Variants in TCN2 observed in about 807,000 individuals in gnomAD.
TCN2 encodes transcobalamin-2.
In TCN2, 34 loss-of-function variants were observed where a neutral mutation model predicts 48.6. That is an observed-to-expected ratio of 0.70 (90% CI 0.53 to 0.93). The LOEUF (loss-of-function observed/expected upper bound fraction) is 0.93. Ranked by LOEUF, TCN2 falls within the 40% of genes least tolerant of loss-of-function variation. The probability of loss-of-function intolerance (pLI) is 0.00; values close to 1 mark genes in which losing one functional copy is unlikely to be tolerated. For synonymous variants in TCN2, 283 were observed against 212.5 expected, an observed-to-expected ratio of 1.33 and a Z score of -2.89; for missense variants, 652 against 526.1, an observed-to-expected ratio of 1.24 and a Z score of -2.34.
intron 1 of TCN2, 78 bp from the exon 2 acceptor site, chr22:30,610,793 A>C (rs2087526050): frequency 1.3e-6 from 2 of 1,497,826 alleles, no homozygotes; most frequent in Non-Finnish European, 1.9e-6. Flanking sequence ...TCTCTGGAGA[A>C]GGCCCTGGTA....
chr22:30,614,515 ACCGTG>A lies in TCN2; in HGVS notation c.580+17_580+21del. On this transcript the variant is annotated intron_variant, in intron 4 of 8. Transcript: ENST00000215838. ...ACCATTCTGTGGGTGAGTAGGTCAGACCGTGCCAAGGCCAGGCTGGCACTCCCTCA... is the reference window on the plus strand; with the variant it reads ...ACCATTCTGTGGGTGAGTAGGTCAGACCAAGGCCAGGCTGGCACTCCCTCA... 2.5e-6 allele frequency: 4 copies of A among 1,614,016 alleles called. No individual in the cohort carries two copies. The highest frequency in any genetic ancestry group is 3.4e-6 in the Non-Finnish European group (4 of 1,180,002).
chr22:30,610,874 T>C lies in TCN2; in HGVS notation c.68T>C (p.Ile23Thr). 1.2e-6 allele frequency: 2 copies of C among 1,614,168 alleles called. No homozygotes were observed. The highest frequency in any genetic ancestry group is 1.7e-6 in the Non-Finnish European group (2 of 1,180,014). ...VLGALTEMCE[I>T]PEMDSHLVEK... ...TTGTACCATTTTCTTTTCTAAGAAA[T>C]ACCAGAGATGGACAGCCATCTGGTA... The change falls in exon 2 of 9, where the codon ATA becomes ACA. Residue 23 changes from isoleucine to threonine, a missense_variant. By Grantham distance (89) the Ile-to-Thr change is moderately conservative. Transcript: ENST00000215838.
chr22:30,622,060 T>G (rs1038379587), intron 7 of TCN2, among the ~76,000 whole-genome samples: 2 of 152,188 alleles, frequency 1.3e-5, no homozygotes, highest in Non-Finnish European at 2.9e-5. Flanking sequence ...CGATCTCAGC[T>G]CACTGCAACC....
chr22:30,613,097 GAT>G (rs2087565310), intron 3 of TCN2, 55 bp downstream of exon 3: 2 of 1,598,024 alleles, frequency 1.3e-6, no homozygotes, highest in Non-Finnish European at 1.7e-6. Context: ...CTCATCAGAT[GAT>G]ATTCTCCAAT....
chr22:30,616,964 C>T (rs754454918), intron 6 of TCN2, among the ~76,000 whole-genome samples: 7 of 151,022 alleles, frequency 4.6e-5, no homozygotes, highest in Non-Finnish European at 7.4e-5. Flanking sequence ...AGAAGGTGAG[C>T]GCATCAGGGT....
At chr22:30,612,832 G>A (rs752960477) in intron 2 of TCN2, 41 bp from the exon 3 acceptor site, 1 of 1,611,114 alleles carries the variant, frequency 6.2e-7, no homozygotes, top group East Asian at 2.2e-5. Flanking sequence ...GGCTTACGGG[G>A]TGGCAGTTTC....
At chr22:30,611,422 G>A (rs562722573) in intron 2 of TCN2, among the ~76,000 whole-genome samples, 1 of 152,320 alleles carries the variant, frequency 6.6e-6, no homozygotes, top group African/African-American at 2.4e-5. Flanking sequence ...ATTGAGCTTA[G>A]AAGCAGCATC....
chr22:30,615,499 G>A, intron 5 of TCN2, 26 bp downstream of exon 5: 2 of 1,611,242 alleles, frequency 1.2e-6, no homozygotes, highest in South Asian at 1.1e-5. Context: ...TGGAGCCATG[G>A]CCACCCTGGG....
Position 30,614,443 on chromosome 22 carries a change from C to T in TCN2, c.522C>T (p.Ser174=), listed in dbSNP as rs537115632. The change falls in exon 4 of 9, where the codon AGC becomes AGT. Residue 174 remains serine, a synonymous_variant. Coordinates refer to ENST00000215838, the MANE Select transcript of TCN2 (RefSeq NM_000355.4). ...LCLHQKRVHD[S]VVDKLLYAVE... is the part of the protein sequence containing the mutation. ...TCCACCAGAAGCGGGTCCATGACAG[C>T]GTGGTGGACAAACTTCTGTATGCTG... is the stretch of plus-strand genomic sequence containing the variant. The T allele has an allele frequency of 2.0e-4, 322 of 1,614,066 alleles. No individual in the cohort carries two copies. Among genetic ancestry groups the T allele is most frequent in the Admixed American group, 6.0e-4 (36 of 59,994 alleles).
intron 1 of TCN2, among the ~76,000 whole-genome samples, 191 bp from the exon 2 acceptor site, chr22:30,610,680 T>A (rs2087523695): frequency 1.3e-5 from 2 of 152,230 alleles, no homozygotes; most frequent in Admixed American, 1.3e-4. Context: ...TCTTTAGAGA[T>A]ACACGCTTCC....
intron 7 of TCN2, among the ~76,000 whole-genome samples, chr22:30,618,603 G>T (rs529391484): frequency 6.6e-6 from 1 of 151,962 alleles, no homozygotes; most frequent in Non-Finnish European, 1.5e-5. Flanking sequence ...TGCCTGCCTC[G>T]GCCTCCCAAA....
intron 8 of TCN2, among the ~76,000 whole-genome samples, chr22:30,625,620 G>A (rs2087796057): frequency 6.6e-6 from 1 of 152,104 alleles, no homozygotes; most frequent in Admixed American, 6.5e-5. Flanking sequence ...ATGGCACAAA[G>A]CCCAGCTAAT....
chr22:30,613,659 A>T (rs760255695), intron 3 of TCN2, among the ~76,000 whole-genome samples: 1 of 152,050 alleles, frequency 6.6e-6, no homozygotes, highest in Non-Finnish European at 1.5e-5. Flanking sequence ...CCTGCTTATG[A>T]CTTACGCCAT....
At position 30,626,842 on chromosome 22, in the gene TCN2, C is replaced by T. The variant is rs372961947; in HGVS notation, c.*321C>T. The T allele has an allele frequency of 2.6e-5, 12 of 458,970 alleles. No homozygotes were observed. The highest frequency in any genetic ancestry group is 4.2e-5 in the East Asian group (1 of 23,978). 28.4% of individuals were successfully genotyped at this position (458,970 alleles called of 1,614,324 possible). A position where few individuals can be genotyped will look rare whatever the true frequency, so the allele number is the denominator to read the frequency against. Reference sequence around the variant, plus strand: ...AGACTCCTTGGCAAAAAACGGAGTCCGCAGGCCGCAGGTGTTGTGAAGACC... The same window carrying T: ...AGACTCCTTGGCAAAAAACGGAGTCTGCAGGCCGCAGGTGTTGTGAAGACC... On this transcript the variant is annotated 3_prime_UTR_variant, in exon 9 of 9. Coordinates refer to ENST00000215838, the MANE Select transcript of TCN2 (RefSeq NM_000355.4).
chr22:30,619,187 C>T (rs1305803814), intron 7 of TCN2, among the ~76,000 whole-genome samples: 2 of 152,240 alleles, frequency 1.3e-5, no homozygotes, highest in Non-Finnish European at 2.9e-5. Context: ...GATCCTCCCA[C>T]CTTAGCCTCC....
chr22:30,612,972 C>G lies in TCN2; in HGVS notation c.357C>G (p.Val119=), dbSNP rs2087563151. ...LLALRANCEF[V]RGHKGDRLVS... is the part of the protein sequence containing the mutation. ...CTCTCAGAGCCAACTGTGAGTTTGT[C>G]AGGGGCCACAAGGGGGACAGGCTGG... Residue 119 remains valine, a synonymous_variant, in exon 3 of 9, where the codon GTC becomes GTG. Transcript: ENST00000215838. 6.2e-7 allele frequency: 1 copy of G among 1,614,198 alleles called. No individual in the cohort carries two copies. Among genetic ancestry groups the G allele is most frequent in the Non-Finnish European group, 8.5e-7 (1 of 1,180,040 alleles).
rs1569046932 is a variant in TCN2 at position 30,623,945 on chromosome 22, CACATATGTATACATATATACACACACAT to C, written c.1222+864_1222+891del. Among the ~76,000 whole-genome samples the C allele has an allele frequency of 2.8e-4, 9 of 32,000 alleles. 1 individual carries two copies. The highest frequency in any genetic ancestry group is 7.0e-4 in the Admixed American group (2 of 2,844). The allele number at this position is 32,000 out of a possible 152,430, so 21.0% of individuals were successfully genotyped here. A position where few individuals can be genotyped will look rare whatever the true frequency, so the allele number is the denominator to read the frequency against. ...ATATATGTATACATATATACACACA[CACATATGTATACATATATACACACACAT>C]ATATATGTATACATATATACACACA... On this transcript the variant is annotated intron_variant, in intron 8 of 8. Coordinates refer to ENST00000215838, the MANE Select transcript of TCN2 (RefSeq NM_000355.4).
intron 2 of TCN2, 147 bp downstream of exon 2, chr22:30,611,210 T>C: frequency 1.0e-6 from 1 of 955,454 alleles, no homozygotes; most frequent in Non-Finnish European, 1.7e-6. Context: ...TGTCCATCTA[T>C]AGAATGAAGG....
At position 30,623,865 on chromosome 22, in the gene TCN2, C is replaced by T. The variant is rs1258347459; in HGVS notation, c.1222+782C>T. On this transcript the variant is annotated intron_variant, in intron 8 of 8. Transcript: ENST00000215838. The stretch of plus-strand genomic sequence containing the variant: ...ACACATACATACACATACATACACA[C>T]ATATATACACACATATATACACACA... Among the ~76,000 whole-genome samples the T allele has an allele frequency of 6.0e-5, 3 of 49,606 alleles. 1 individual carries two copies. In the Admixed American group the frequency reaches 7.3e-4, roughly 12 times the overall value. The allele number at this position is 49,606 out of a possible 152,430, so 32.5% of individuals were successfully genotyped here. A position where few individuals can be genotyped will look rare whatever the true frequency, so the allele number is the denominator to read the frequency against.
Sources: gnomAD v4.1 joint callset for allele counts (sites outside exome capture counted in the v4.1 genomes callset) on GRCh38, gnomAD v4.1.1 for gene constraint, MANE v1.5 for transcripts, NCBI Gene and HGNC (gene_info 2026-07-23, HGNC 2026-07-21) for gene names.